The following NPEPPS variants were observed in gnomAD, a reference collection of about 807,000 sequenced individuals.
The protein encoded by NPEPPS is aminopeptidase puromycin sensitive, also known as puromycin-sensitive aminopeptidase.
In NPEPPS, 14 loss-of-function variants were observed where a neutral mutation model predicts 115.5. The ratio of observed to expected loss-of-function variants is 0.12; its 90% CI spans 0.08 to 0.19. The LOEUF (loss-of-function observed/expected upper bound fraction) is 0.19. NPEPPS is among the 10% of genes least tolerant of loss of function. NPEPPS has a pLI of 1.00. For missense variants in NPEPPS, 523 were observed against 1,110.8 expected, an observed-to-expected ratio of 0.47 and a Z score of 7.52; for synonymous variants, 285 against 390.6, an observed-to-expected ratio of 0.73 and a Z score of 3.19.
chr17:47,531,360 GCCTCCTCC>G lies in NPEPPS; in HGVS notation c.69_76del (p.Leu24SerfsTer65), dbSNP rs1907749179. ...GCCGCCTGCTCTTCCTCGGCCCTCCGCCTCCTCCCCTCCTCCTTCTCGTCTTCAGCCGC... is the reference window on the plus strand; with the variant it reads ...GCCGCCTGCTCTTCCTCGGCCCTCCGCCTCCTCCTTCTCGTCTTCAGCCGC... On this transcript the variant is annotated frameshift_variant, in exon 1 of 23. Coordinates refer to ENST00000322157, the MANE Select transcript of NPEPPS (RefSeq NM_006310.4). LOFTEE classifies it high-confidence loss of function. 1 of 1,506,092 alleles carries G rather than the reference GCCTCCTCC, an allele frequency of 6.6e-7. No individual in the cohort carries two copies. The highest frequency in any genetic ancestry group is 2.0e-5 in the Admixed American group (1 of 49,894). The allele number at this position is 1,506,092 out of a possible 1,614,324, so 93.3% of individuals were successfully genotyped here.
chr17:47,619,317 G>T, intron 21 of NPEPPS, 153 bp downstream of exon 21: 4 of 735,812 alleles, frequency 5.4e-6, no homozygotes, highest in Non-Finnish European at 9.3e-6. Context: ...ACTTTGGGAC[G>T]CCGAGGTGGG....
intron 13 of NPEPPS, among the ~76,000 whole-genome samples, chr17:47,599,151 A>T (rs149916186): frequency 6.6e-6 from 1 of 152,156 alleles, no homozygotes; most frequent in Non-Finnish European, 1.5e-5. Context: ...TTCTGAATCA[A>T]TGTAAAAGGT....
At chr17:47,612,341 T>G (rs1426622712) in intron 17 of NPEPPS, 119 bp from the exon 18 acceptor site, 1 of 924,814 alleles carries the variant, frequency 1.1e-6, no homozygotes, top group Non-Finnish European at 1.6e-6. Context: ...TTAAGTTAAT[T>G]GAGTGTGTTT....
intron 1 of NPEPPS, among the ~76,000 whole-genome samples, chr17:47,538,817 C>T (rs532080688): frequency 1.4e-4 from 22 of 152,252 alleles, no homozygotes; most frequent in African/African-American, 5.1e-4. Context: ...CCTGAGCCAC[C>T]GCACCCGGCC....
chr17:47,524,113 C>G lies in NPEPPS; in HGVS notation c.77+1050C>G, dbSNP rs569958589. On this transcript the variant is annotated intron_variant, in intron 1 of 5. Transcript: ENST00000525007. The stretch of plus-strand genomic sequence containing the variant: ...CCGAGGTTAGGAGTTTGAGACCAGC[C>G]TGGCCAACATGGTGAAACCCCCTCT... Among the ~76,000 whole-genome samples the G allele has an allele frequency of 2.3e-5, 3 of 130,260 alleles. No individual in the cohort carries two copies. The South Asian group carries it at 8.2e-4, about 35-fold the overall frequency. The allele number at this position is 130,260 out of a possible 152,430, so 85.5% of individuals were successfully genotyped here.
At chr17:47,564,629 CAT>C (rs1464001024) in intron 2 of NPEPPS, among the ~76,000 whole-genome samples, 1 of 148,636 alleles carries the variant, frequency 6.7e-6, no homozygotes, top group Admixed American at 6.8e-5. Context: ...ATTCATTTAT[CAT>C]ATCAGTATTA....
At chr17:47,555,264 C>A (rs569209147) in intron 2 of NPEPPS, among the ~76,000 whole-genome samples, 2 of 151,756 alleles carry the variant, frequency 1.3e-5, no homozygotes, top group South Asian at 4.2e-4. Context: ...GCATAAAAAA[C>A]TGCTGTAAAT....
intron 1 of NPEPPS, among the ~76,000 whole-genome samples, chr17:47,524,738 T>G (rs578216152): frequency 2.4e-4 from 36 of 150,654 alleles, no homozygotes; most frequent in Admixed American, 5.3e-4. Flanking sequence ...TCTCCTGACC[T>G]CGTGATCCGT....
intron 2 of NPEPPS, among the ~76,000 whole-genome samples, chr17:47,565,536 G>A (rs1211318685): frequency 4.7e-5 from 7 of 148,030 alleles, no homozygotes; most frequent in Non-Finnish European, 7.4e-5. Context: ...AAGGTGATTC[G>A]AGGCTTCATG....
chr17:47,597,755 C>T (rs761358312), intron 13 of NPEPPS, among the ~76,000 whole-genome samples: 3 of 152,204 alleles, frequency 2.0e-5, no homozygotes, highest in Non-Finnish European at 4.4e-5. Context: ...TTCTAGGTGA[C>T]ATTTAAACCA....
intron 4 of NPEPPS, chr17:47,580,147 T>C (rs1259065393): frequency 6.6e-6 from 1 of 152,204 alleles, no homozygotes; most frequent in African/African-American, 2.4e-5. Context: ...ATTCATGATA[T>C]CCGTTCTTAT....
chr17:47,601,392 C>CT (rs1913190930), intron 14 of NPEPPS, among the ~76,000 whole-genome samples: 1 of 151,878 alleles, frequency 6.6e-6, no homozygotes, highest in South Asian at 2.1e-4. Context: ...TAACTGTTTT[C>CT]TTTTTTTAGA....
chr17:47,526,180 C>A (rs1382357995), upstream of NPEPPS, among the ~76,000 whole-genome samples: 1 of 152,102 alleles, frequency 6.6e-6, no homozygotes, highest in Non-Finnish European at 1.5e-5. Context: ...CCATTGCACT[C>A]CAGCCTGGGC....
At chr17:47,566,505 G>GT (rs201456111) in intron 2 of NPEPPS, among the ~76,000 whole-genome samples, 2,128 of 124,198 alleles carry the variant, frequency 0.017, 29 homozygotes, top group African/African-American at 0.031. Flanking sequence ...TAGGTTTTTT[G>GT]TTTTTTTTTT....
At chr17:47,538,318 G>T (rs1908479397) in intron 1 of NPEPPS, among the ~76,000 whole-genome samples, 1 of 143,642 alleles carries the variant, frequency 7.0e-6, no homozygotes, top group African/African-American at 2.6e-5. Flanking sequence ...TAGTTCAAGG[G>T]ATTCTTCTGC....
intron 2 of NPEPPS, among the ~76,000 whole-genome samples, chr17:47,568,437 C>A (rs1910974775): frequency 6.6e-6 from 1 of 152,112 alleles, no homozygotes; most frequent in South Asian, 2.1e-4. Context: ...TCCCAAAATG[C>A]TGGGATTATA....
intron 4 of NPEPPS, 100 bp from the exon 5 acceptor site, chr17:47,582,642 C>T: frequency 5.0e-6 from 4 of 803,282 alleles, no homozygotes; most frequent in South Asian, 1.4e-5. Flanking sequence ...AATATTTGAA[C>T]AAGGGAATGA....
Position 47,604,004 on chromosome 17 carries a change from G to A in NPEPPS, c.1830G>A (p.Leu610=), listed in dbSNP as rs1913382392. Residue 610 remains leucine (L), a synonymous_variant, in exon 16 of 23, where the codon CTG becomes CTA. Transcript: ENST00000322157. ...SLLPGIRDLS[L]PPVDRLGLQN... Reference sequence around the variant, plus strand: ...TACCAGGCATTCGTGACCTTTCTCTGCCCCCTGTGGATCGACTTGGATTAC... The same window carrying A: ...TACCAGGCATTCGTGACCTTTCTCTACCCCCTGTGGATCGACTTGGATTAC... The A allele has an allele frequency of 6.2e-7, 1 of 1,613,580 alleles. No individual in the cohort carries two copies. The highest frequency in any genetic ancestry group is 8.5e-7 in the Non-Finnish European group (1 of 1,179,684).
chr17:47,562,598 T>C (rs1391708735), intron 2 of NPEPPS, among the ~76,000 whole-genome samples: 2 of 141,360 alleles, frequency 1.4e-5, no homozygotes, highest in African/African-American at 5.1e-5. Flanking sequence ...GAAGGCTTTT[T>C]TGATGCAGAG....
Sources: allele counts gnomAD v4.1 joint callset (sites outside exome capture counted in the v4.1 genomes callset), GRCh38; gene constraint gnomAD v4.1.1; transcripts MANE v1.5; gene names NCBI Gene and HGNC (gene_info 2026-07-23, HGNC 2026-07-21).